RBFOX1: variants seen among roughly 807,000 people sequenced by gnomAD.
RBFOX1 encodes the protein RNA binding protein fox-1 homolog 1.
RBFOX1 carries 8 observed loss-of-function variants against 57.7 expected under a neutral mutation model. That is an observed-to-expected ratio of 0.14 (90% CI 0.08 to 0.25). RBFOX1 has a LOEUF of 0.25. RBFOX1 is among the 10% of genes least tolerant of loss of function. The pLI, the probability that RBFOX1 is intolerant of heterozygous loss-of-function variation, is 1.00. For synonymous variants in RBFOX1, 326 were observed against 222.4 expected (o/e 1.47, Z -4.15); for missense variants, 611 against 548.5 (o/e 1.11, Z -1.14).
At chr16:6,846,242 C>T (rs1438030914) in intron 3 of RBFOX1, among the ~76,000 whole-genome samples, 1 of 152,158 alleles carries the variant, frequency 6.6e-6, no homozygotes, top group Non-Finnish European at 1.5e-5. Flanking sequence ...TGTGTGATAG[C>T]TTCACCTCCT....
In RBFOX1 at chr16:6,019,510, G is replaced by A. The variant is rs1230029622; in HGVS notation, c.-609G>A. The A allele has an allele frequency of 1.9e-6, 2 of 1,038,766 alleles. No homozygotes were observed. The highest frequency in any genetic ancestry group is 9.1e-5 in the South Asian group (2 of 21,882). 64.3% of individuals were successfully genotyped at this position (1,038,766 alleles called of 1,614,324 possible). A position where few individuals can be genotyped will look rare whatever the true frequency, so the allele number is the denominator to read the frequency against. ...GCCCCAGCCCCCCAGCAGCACCCGCGGTGGGGCGGGGGCGCTCTGCCAGCC... is the reference window on the plus strand; with the variant it reads ...GCCCCAGCCCCCCAGCAGCACCCGCAGTGGGGCGGGGGCGCTCTGCCAGCC... On this transcript the variant is annotated 5_prime_UTR_variant, in exon 1 of 16. Transcript: ENST00000550418. The surrounding 1 kb of genome is among the most constrained non-coding windows in gnomAD (Gnocchi z 4.2).
At chr16:7,579,946 G>A (rs1016132142) in intron 6 of RBFOX1, 26 bp downstream of exon 6, 1 of 1,611,744 alleles carries the variant, frequency 6.2e-7, no homozygotes, top group South Asian at 1.1e-5. Context: ...CTTCCCAGCA[G>A]TGCCCGCTCT....
intron 1 of RBFOX1, among the ~76,000 whole-genome samples, chr16:6,223,227 G>T (rs1598508891): frequency 6.6e-6 from 1 of 151,266 alleles, no homozygotes; most frequent in African/African-American, 2.4e-5. Context: ...GTAATGGGAT[G>T]GCTGGGTCAA....
At chr16:5,830,525 A>G (rs1252884660) in intron 3 of RBFOX1, among the ~76,000 whole-genome samples, 1 of 152,022 alleles carries the variant, frequency 6.6e-6, no homozygotes, top group East Asian at 1.9e-4. Context: ...CCCTCGGGAG[A>G]AAGGGGTTCA....
chr16:6,870,272 C>T (rs75709994), intron 3 of RBFOX1, among the ~76,000 whole-genome samples: 4 of 151,992 alleles, frequency 2.6e-5, no homozygotes, highest in African/African-American at 9.7e-5. Context: ...TCCCTTTGGT[C>T]GCTTGAAAAA....
chr16:7,471,867 C>T (rs1362040850), intron 4 of RBFOX1, among the ~76,000 whole-genome samples: 2 of 152,156 alleles, frequency 1.3e-5, no homozygotes, highest in African/African-American at 2.4e-5. Context: ...GAAGAGGTGT[C>T]ACTAGTTTAG....
At chr16:5,873,990 G>T (rs2057542103) in intron 4 of RBFOX1, among the ~76,000 whole-genome samples, 1 of 152,208 alleles carries the variant, frequency 6.6e-6, no homozygotes, top group Non-Finnish European at 1.5e-5. Context: ...GAAGGAGAAT[G>T]ATGTAATCAG....
At chr16:6,897,286 C>A (rs932989952) in intron 3 of RBFOX1, among the ~76,000 whole-genome samples, 4 of 152,110 alleles carry the variant, frequency 2.6e-5, no homozygotes, top group African/African-American at 4.8e-5. Context: ...GCTTGTAAGC[C>A]CAGCTACTCA....
At chr16:7,049,016 T>C (rs1036757977) in intron 3 of RBFOX1, among the ~76,000 whole-genome samples, 1 of 152,150 alleles carries the variant, frequency 6.6e-6, no homozygotes, top group Non-Finnish European at 1.5e-5. Context: ...TTAGTTCAAT[T>C]CTCAAAGCTT....
rs192561651 is a variant in RBFOX1, at chr16:5,287,997, C to T, written c.219+47892C>T. Among the ~76,000 whole-genome samples, 222 of 152,256 alleles carry T rather than the reference C, an allele frequency of 1.5e-3. 1 individual carries two copies. The highest frequency in any genetic ancestry group is 3.7e-3 in the African/African-American group (152 of 41,542). ...TGCCTGAATGCTTCTGGCTGCAGCCCAGGCAATGGGGGCCTGACTAGGGAG... is the reference window on the plus strand; with the variant it reads ...TGCCTGAATGCTTCTGGCTGCAGCCTAGGCAATGGGGGCCTGACTAGGGAG... On this transcript the variant is annotated intron_variant, in intron 1 of 2. Coordinates refer to the RBFOX1 transcript ENST00000585867.
rs1473162362 is a variant in RBFOX1 at position 7,557,661 on chromosome 16, G to C, written c.271-22116G>C. Among the ~76,000 whole-genome samples, 3 of 106,906 alleles carry C rather than the reference G, an allele frequency of 2.8e-5. 1 individual carries two copies. The highest frequency in any genetic ancestry group is 6.0e-5 in the Non-Finnish European group (3 of 50,282). 70.1% of individuals were successfully genotyped at this position (106,906 alleles called of 152,430 possible). A position where few individuals can be genotyped will look rare whatever the true frequency, so the allele number is the denominator to read the frequency against. ...AAAAAAAGAAAAAGAAAAAAAAAAA[G>C]CATTTTCTTAAACTGTGGCCCAGAA... On this transcript the variant is annotated intron_variant, in intron 5 of 15. Transcript: ENST00000550418.
chr16:6,521,986 A>G (rs1184880156), intron 2 of RBFOX1, among the ~76,000 whole-genome samples: 2 of 152,138 alleles, frequency 1.3e-5, no homozygotes, highest in African/African-American at 4.8e-5. Flanking sequence ...TTTCTCACCA[A>G]GGTTATCGAC....
At chr16:6,057,085 G>A (rs1242349816) in intron 1 of RBFOX1, 1 of 137,730 alleles carries the variant, frequency 7.3e-6, no homozygotes, top group Non-Finnish European at 1.6e-5. Flanking sequence ...AGGAGGGGGG[G>A]GAATATTGCA....
intron 2 of RBFOX1, among the ~76,000 whole-genome samples, chr16:6,383,180 C>G (rs993757893): frequency 2.0e-5 from 3 of 152,224 alleles, no homozygotes; most frequent in African/African-American, 4.8e-5. Flanking sequence ...CCAAGAAGAT[C>G]TGGCTTTCTT....
intron 1 of RBFOX1, among the ~76,000 whole-genome samples, chr16:6,302,331 C>A (rs1296461092): frequency 6.6e-6 from 1 of 152,110 alleles, no homozygotes; most frequent in African/African-American, 2.4e-5. Flanking sequence ...CGCTATTTTT[C>A]CTTCATTTCC....
chr16:7,355,706 G>A (rs1030110683), intron 4 of RBFOX1, among the ~76,000 whole-genome samples: 9 of 152,180 alleles, frequency 5.9e-5, no homozygotes, highest in Admixed American at 5.9e-4. Flanking sequence ...TTGCCCTTCA[G>A]CAAATGGCTT....
intron 3 of RBFOX1, among the ~76,000 whole-genome samples, chr16:6,842,091 G>A (rs1047778458): frequency 3.3e-5 from 5 of 151,462 alleles, no homozygotes; most frequent in Non-Finnish European, 7.4e-5. Context: ...TGCAGTGAGC[G>A]GAGATCGCGC....
chr16:7,084,821 T>C (rs1406277973), intron 4 of RBFOX1, among the ~76,000 whole-genome samples: 1 of 152,238 alleles, frequency 6.6e-6, no homozygotes. Flanking sequence ...CATGTCTGTC[T>C]GTATCTGGCA....
In RBFOX1 at chr16:6,038,584, A is replaced by G. The variant is rs559356878; in HGVS notation, c.-127+18592A>G. On this transcript the variant is annotated intron_variant, in intron 1 of 15. Transcript: ENST00000550418. ...ATATATATATCATCCATATATATAT[A>G]TAAAATCCATATATATATATATATC... The G allele has an allele frequency of 1.4e-4, 20 of 145,382 alleles. No homozygotes were observed. The East Asian group carries it at 3.9e-3, about 28-fold the overall frequency. 9.0% of individuals were successfully genotyped at this position (145,382 alleles called of 1,614,324 possible). A position where few individuals can be genotyped will look rare whatever the true frequency, so the allele number is the denominator to read the frequency against.
Sources: allele counts gnomAD v4.1 joint callset (sites outside exome capture counted in the v4.1 genomes callset), GRCh38; gene constraint gnomAD v4.1.1; non-coding constraint Gnocchi (gnomAD v3.1); transcripts MANE v1.5; gene names NCBI Gene and HGNC (gene_info 2026-07-23, HGNC 2026-07-21).